EDEM1: variants seen among roughly 807,000 people sequenced by gnomAD.
EDEM1 encodes the protein ER degradation enhancing alpha-mannosidase like protein 1, also known as ER degradation-enhancing alpha-mannosidase-like protein 1.
In EDEM1, 67 loss-of-function variants were observed where a neutral mutation model predicts 74.4. The ratio of observed to expected loss-of-function variants is 0.90; its 90% confidence interval spans 0.74 to 1.10. The LOEUF (loss-of-function observed/expected upper bound fraction) is 1.10. Among genes scored for constraint, EDEM1 ranks in the 50% least tolerant of loss-of-function variants. The pLI is 0.00. For synonymous variants in EDEM1, 382 were observed against 335.9 expected (o/e 1.14, Z -1.50); for missense variants, 926 against 851.6 (o/e 1.09, Z -1.09).
At chr3:5,215,322 G>C (rs2055220486) in intron 11 of EDEM1, among the ~76,000 whole-genome samples, 1 of 151,620 alleles carries the variant, frequency 6.6e-6, no homozygotes, top group African/African-American at 2.4e-5. Context: ...TAAAGAAATA[G>C]TCTTAAGCAT....
In EDEM1 at chr3:5,199,704, A is replaced by T; in HGVS notation, c.686+9A>T. 1 of 1,597,964 alleles carries T rather than the reference A, an allele frequency of 6.3e-7. No individual in the cohort carries two copies. Among genetic ancestry groups the T allele is most frequent in the Non-Finnish European group, 8.5e-7 (1 of 1,171,512 alleles). On this transcript the variant is annotated intron_variant, in intron 3 of 11. Transcript: ENST00000256497. Reference sequence around the variant, plus strand: ...TTTGAGGCCACGATAAGGTAAAATAATGAATATTCATAAAATGAATTGGAG... The same window carrying T: ...TTTGAGGCCACGATAAGGTAAAATATTGAATATTCATAAAATGAATTGGAG...
chr3:5,195,371 G>A, intron 2 of EDEM1, 90 bp downstream of exon 2: 1 of 667,330 alleles, frequency 1.5e-6, no homozygotes, highest in Non-Finnish European at 2.3e-6. Context: ...ATTCCAGGGA[G>A]CCTGATAAGT....
intron 1 of EDEM1, among the ~76,000 whole-genome samples, chr3:5,190,032 C>CT (rs201083754): frequency 2.7e-4 from 40 of 150,832 alleles, no homozygotes; most frequent in East Asian, 1.4e-3. Context: ...TAATTGTGGT[C>CT]TTTTTTTTGT....
At chr3:5,188,436 A>G in intron 1 of EDEM1, 122 bp downstream of exon 1, 1 of 1,140,190 alleles carries the variant, frequency 8.8e-7, no homozygotes, top group East Asian at 3.3e-5. Flanking sequence ...GGTCCCGGGC[A>G]GCGCTCCCGC....
intron 1 of EDEM1, among the ~76,000 whole-genome samples, chr3:5,194,064 C>T (rs2106588434): frequency 6.6e-6 from 1 of 152,332 alleles, no homozygotes; most frequent in East Asian, 1.9e-4. Context: ...CACAGCAAGC[C>T]ATCACAACAC....
At chr3:5,201,071 T>C (rs138338410) in intron 3 of EDEM1, among the ~76,000 whole-genome samples, 63 of 152,012 alleles carry the variant, frequency 4.1e-4, no homozygotes, top group Non-Finnish European at 7.2e-4. Context: ...TTCTGTTTTT[T>C]TATGAGTGTT....
At chr3:5,190,694 G>C (rs1350852966) in intron 1 of EDEM1, among the ~76,000 whole-genome samples, 1 of 152,188 alleles carries the variant, frequency 6.6e-6, no homozygotes. Flanking sequence ...GATGGCATTA[G>C]GGAAGGGTTG....
In EDEM1 at chr3:5,188,231, C is replaced by CGTT; in HGVS notation, c.427_428insTTG (p.Tyr142_Asp143insVal). ...CACGGGGCATGTTCGTCTTTGGCTA[C>CGTT]GACAACTACATGGCTCACGCCTTCC... On this transcript the variant is annotated inframe_insertion, in exon 1 of 12. Coordinates refer to ENST00000256497, the MANE Select transcript of EDEM1 (RefSeq NM_014674.3). The CGTT allele has an allele frequency of 6.3e-7, 1 of 1,585,078 alleles. No individual in the cohort carries two copies.
At chr3:5,200,035 A>G (rs1290322460) in intron 3 of EDEM1, among the ~76,000 whole-genome samples, 2 of 151,048 alleles carry the variant, frequency 1.3e-5, no homozygotes, top group Non-Finnish European at 2.9e-5. Flanking sequence ...TCCCAGGTTC[A>G]AGGCATTCTC....
At chr3:5,207,096 T>G (rs1322912136) in intron 6 of EDEM1, 57 bp from the exon 7 acceptor site, 1 of 1,601,334 alleles carries the variant, frequency 6.2e-7, no homozygotes, top group Non-Finnish European at 8.5e-7. Flanking sequence ...GCTGGAGAGG[T>G]AGAGATCTGT....
chr3:5,202,753 T>C (rs747620689), intron 4 of EDEM1, among the ~76,000 whole-genome samples: 5 of 152,254 alleles, frequency 3.3e-5, no homozygotes, highest in Non-Finnish European at 7.3e-5. Context: ...CTTGCTCTTA[T>C]TAATAAAGCA....
At chr3:5,205,293 TTCTGA>T (rs1226653352) in intron 6 of EDEM1, 52 bp downstream of exon 6, 1 of 1,544,986 alleles carries the variant, frequency 6.5e-7, no homozygotes, top group Non-Finnish European at 8.8e-7. Context: ...ATAGAATGCA[TTCTGA>T]AGCGTTTGTA....
intron 8 of EDEM1, among the ~76,000 whole-genome samples, chr3:5,208,768 T>C (rs1339384271): frequency 2.6e-5 from 4 of 151,124 alleles, no homozygotes; most frequent in African/African-American, 7.3e-5. Flanking sequence ...TGTATATATA[T>C]ATACACACAC....
intron 1 of EDEM1, among the ~76,000 whole-genome samples, chr3:5,194,299 A>G (rs1357061220): frequency 1.3e-5 from 2 of 152,234 alleles, no homozygotes; most frequent in Non-Finnish European, 2.9e-5. Context: ...AAGCTTCTGC[A>G]CTTATTTTCT....
chr3:5,211,660 G>A (rs1162298561), intron 10 of EDEM1, among the ~76,000 whole-genome samples: 4 of 150,912 alleles, frequency 2.7e-5, no homozygotes, highest in Non-Finnish European at 5.9e-5. Context: ...GTGAGTGTGT[G>A]TGTGTGTGTG....
At chr3:5,188,961 G>C (rs1185336383) in intron 1 of EDEM1, among the ~76,000 whole-genome samples, 12 of 152,120 alleles carry the variant, frequency 7.9e-5, no homozygotes, top group Non-Finnish European at 4.4e-5. Flanking sequence ...AAATTCACTG[G>C]ATGCCAGATT....
At chr3:5,190,443 C>T (rs926125068) in intron 1 of EDEM1, among the ~76,000 whole-genome samples, 1 of 152,162 alleles carries the variant, frequency 6.6e-6, no homozygotes, top group Admixed American at 6.5e-5. Flanking sequence ...CTTAATGAAC[C>T]TTAAAAGCGC....
At chr3:5,211,052 C>A in intron 9 of EDEM1, 68 bp from the exon 10 acceptor site, 1 of 1,389,260 alleles carries the variant, frequency 7.2e-7, no homozygotes, top group Admixed American at 1.7e-5. Flanking sequence ...GAGAATGTTT[C>A]TGCTTCTTAA....
chr3:5,208,284 T>G (rs771709061), intron 8 of EDEM1, 21 bp downstream of exon 8: 28 of 1,600,404 alleles, frequency 1.7e-5, no homozygotes, highest in Non-Finnish European at 2.4e-5. Context: ...TGTGTTTTTT[T>G]TTTTTTCCTT....
Sources: gnomAD v4.1 joint callset for allele counts (sites outside exome capture counted in the v4.1 genomes callset) on GRCh38, gnomAD v4.1.1 for gene constraint, MANE v1.5 for transcripts, NCBI Gene and HGNC (gene_info 2026-07-23, HGNC 2026-07-21) for gene names.